Variants in SPIDR observed in about 807,000 individuals in gnomAD.
The protein encoded by SPIDR is scaffold protein involved in DNA repair.
Under a neutral mutation model 104.6 loss-of-function variants are expected in SPIDR, and 93 were observed. The ratio of observed to expected loss-of-function variants is 0.89; its 90% CI spans 0.75 to 1.06. The LOEUF is 1.06. Among genes scored for constraint, SPIDR ranks in the 50% least tolerant of loss-of-function variants. The probability of loss-of-function intolerance (pLI) is 0.00; values close to 1 mark genes in which losing one functional copy is unlikely to be tolerated. For synonymous variants in SPIDR, 431 were observed against 416.9 expected (o/e 1.03, Z -0.41); for missense variants, 1,154 against 1,111.2 (o/e 1.04, Z -0.55).
chr8:47,693,722 GGGTGA>G (rs1385438123), intron 11 of SPIDR, among the ~76,000 whole-genome samples: 3 of 152,194 alleles, frequency 2.0e-5, no homozygotes, highest in African/African-American at 7.2e-5. Flanking sequence ...CCGGAACACA[GGGTGA>G]GGTGGGGCAG....
chr8:47,457,224 CA>C (rs1554710373), intron 8 of SPIDR, among the ~76,000 whole-genome samples: 2 of 152,178 alleles, frequency 1.3e-5, no homozygotes, highest in African/African-American at 4.8e-5. Context: ...TTCTCACCAG[CA>C]GTGTATTAGT....
intron 5 of SPIDR, among the ~76,000 whole-genome samples, chr8:47,308,636 G>A (rs2043553837): frequency 6.6e-6 from 1 of 152,096 alleles, no homozygotes; most frequent in Non-Finnish European, 1.5e-5. Flanking sequence ...CTTTGTGGGT[G>A]GGGGTGGGGA....
intron 10 of SPIDR, among the ~76,000 whole-genome samples, chr8:47,612,437 G>T (rs1166077541): frequency 6.6e-6 from 1 of 152,132 alleles, no homozygotes; most frequent in East Asian, 1.9e-4. Context: ...TCAGCTCATG[G>T]TTGCATCATT....
chr8:47,475,882 A>G (rs1231007208), intron 8 of SPIDR, among the ~76,000 whole-genome samples: 2 of 152,218 alleles, frequency 1.3e-5, no homozygotes, highest in Non-Finnish European at 1.5e-5. Context: ...ATACAATATT[A>G]TAACTGGAAA....
intron 11 of SPIDR, among the ~76,000 whole-genome samples, chr8:47,683,209 T>C (rs2077313026): frequency 6.6e-6 from 1 of 152,244 alleles, no homozygotes; most frequent in Non-Finnish European, 1.5e-5. Flanking sequence ...AAGCTCACAT[T>C]ATTGTCAATT....
intron 10 of SPIDR, among the ~76,000 whole-genome samples, chr8:47,662,445 A>G (rs995576643): frequency 6.6e-6 from 1 of 152,144 alleles, no homozygotes; most frequent in Non-Finnish European, 1.5e-5. Flanking sequence ...AAGAAAACAT[A>G]CTAGCCAATG....
At chr8:47,399,994 G>A (rs2061671008) in intron 6 of SPIDR, among the ~76,000 whole-genome samples, 1 of 152,176 alleles carries the variant, frequency 6.6e-6, no homozygotes, top group South Asian at 2.1e-4. Context: ...ACACCATCTT[G>A]GAGCTGGGCG....
rs1476185363 is a variant in SPIDR at position 47,551,427 on chromosome 8, A to G, written c.1098-44384A>G. On this transcript the variant is annotated intron_variant, in intron 8 of 19. Transcript: ENST00000297423. ...AACTTTTTTTGGTTGGTAGACTATT[A>G]ATTATTGCCTCAATTTCAGAGCCTG... 7.2e-5 allele frequency among the ~76,000 whole-genome samples: 11 copies of G among 152,194 alleles called. No individual in the cohort carries two copies. In the East Asian group the frequency reaches 2.1e-3, roughly 29 times the overall value.
intron 8 of SPIDR, among the ~76,000 whole-genome samples, chr8:47,510,253 C>T (rs544912092): frequency 1.3e-4 from 20 of 152,160 alleles, no homozygotes; most frequent in Non-Finnish European, 2.5e-4. Context: ...TCTGTGTCAA[C>T]TCTATGTGTA....
intron 7 of SPIDR, among the ~76,000 whole-genome samples, chr8:47,409,100 C>T (rs782591908): frequency 6.6e-6 from 1 of 152,124 alleles, no homozygotes; most frequent in African/African-American, 2.4e-5. Context: ...GCAAGAGAAT[C>T]GCTTGAACCC....
chr8:47,485,016 A>G (rs999944468), intron 8 of SPIDR, among the ~76,000 whole-genome samples: 1 of 152,206 alleles, frequency 6.6e-6, no homozygotes, highest in African/African-American at 2.4e-5. Context: ...CAGTGGGTGC[A>G]GCCCACCAAG....
intron 10 of SPIDR, among the ~76,000 whole-genome samples, chr8:47,662,673 TAAG>T (rs1287430320): frequency 6.6e-6 from 1 of 152,254 alleles, no homozygotes; most frequent in Non-Finnish European, 1.5e-5. Flanking sequence ...AATTTTAAAT[TAAG>T]AATAATGCAA....
intron 8 of SPIDR, among the ~76,000 whole-genome samples, chr8:47,588,358 T>A (rs2154417380): frequency 6.6e-6 from 1 of 151,600 alleles, no homozygotes; most frequent in African/African-American, 2.4e-5. Context: ...TTAAATGGTA[T>A]GTTTTTCCCA....
At chr8:47,306,719 A>G (rs1267534377) in intron 5 of SPIDR, among the ~76,000 whole-genome samples, 2 of 152,150 alleles carry the variant, frequency 1.3e-5, no homozygotes, top group African/African-American at 2.4e-5. Context: ...TTATTTAGAA[A>G]GGTCTGTTTC....
intron 16 of SPIDR, among the ~76,000 whole-genome samples, chr8:47,723,962 T>C (rs2083825446): frequency 6.6e-6 from 1 of 151,554 alleles, no homozygotes; most frequent in African/African-American, 2.4e-5. Context: ...TCATTATTAT[T>C]TAAATAAACT....
chr8:47,492,101 T>A (rs576410115), intron 8 of SPIDR, among the ~76,000 whole-genome samples: 3 of 152,146 alleles, frequency 2.0e-5, no homozygotes, highest in Admixed American at 1.3e-4. Context: ...CCCCTGTGCA[T>A]CAGATTCACC....
At chr8:47,545,882 A>C (rs566872344) in intron 8 of SPIDR, among the ~76,000 whole-genome samples, 109 of 152,112 alleles carry the variant, frequency 7.2e-4, no homozygotes, top group Non-Finnish European at 1.2e-3. Flanking sequence ...GTACTGATTT[A>C]TGTGATCATA....
At chr8:47,714,785 A>G (rs2082332880) in intron 16 of SPIDR, among the ~76,000 whole-genome samples, 1 of 152,164 alleles carries the variant, frequency 6.6e-6, no homozygotes, top group African/African-American at 2.4e-5. Context: ...ATCCCCTCAT[A>G]TGAATAAACT....
At chr8:47,460,954 A>G (rs2073838836) in intron 8 of SPIDR, among the ~76,000 whole-genome samples, 1 of 152,098 alleles carries the variant, frequency 6.6e-6, no homozygotes, top group Admixed American at 6.5e-5. Flanking sequence ...TTGGCTGATA[A>G]TTGTTTTGTT....
Sources: allele counts gnomAD v4.1 joint callset (sites outside exome capture counted in the v4.1 genomes callset), GRCh38; gene constraint gnomAD v4.1.1; transcripts MANE v1.5; gene names NCBI Gene and HGNC (gene_info 2026-07-23, HGNC 2026-07-21).